Variants in VPS13B observed in about 807,000 individuals in gnomAD.
VPS13B encodes intermembrane lipid transfer protein VPS13B.
Under a neutral mutation model 426.4 loss-of-function variants are expected in VPS13B, and 285 were observed. The observed-to-expected ratio is 0.67, with a 90% CI of 0.61 to 0.74. VPS13B has a LOEUF of 0.74. Among genes scored for constraint, VPS13B ranks in the 30% least tolerant of loss-of-function variants. The pLI is 0.00. For synonymous variants in VPS13B, 1,676 were observed against 1,676.4 expected, an observed-to-expected ratio of 1.00 and a Z score of 0.01; for missense variants, 4,537 against 4,782.6, an observed-to-expected ratio of 0.95 and a Z score of 1.51.
At chr8:99,729,116 A>G (rs971886624) in intron 39 of VPS13B, among the ~76,000 whole-genome samples, 1 of 152,120 alleles carries the variant, frequency 6.6e-6, no homozygotes, top group Non-Finnish European at 1.5e-5. Flanking sequence ...GGCCCAGTCA[A>G]CTTTGGTCAT....
intron 13 of VPS13B, among the ~76,000 whole-genome samples, chr8:99,147,388 A>G (rs890177932): frequency 6.6e-6 from 1 of 152,196 alleles, no homozygotes; most frequent in Non-Finnish European, 1.5e-5. Flanking sequence ...CTGGGATTAC[A>G]GGTGTGAGAC....
Position 99,623,994 on chromosome 8 carries a change from C to CATATAT in VPS13B, c.5221-17808_5221-17803dup, listed in dbSNP as rs770947718. 4.2e-3 allele frequency among the ~76,000 whole-genome samples: 225 copies of CATATAT among 53,920 alleles called. 3 individuals carry two copies. The highest frequency in any genetic ancestry group is 0.014 in the Middle Eastern group (1 of 72). 35.4% of individuals were successfully genotyped at this position (53,920 alleles called of 152,430 possible). ...GTAAAGGCTATGTCTATGAAACATACATATATATATATATTTTTTTTTTTT... is the reference window on the plus strand; with the variant it reads ...GTAAAGGCTATGTCTATGAAACATACATATATATATATATATATATTTTTTTTTTTT... On this transcript the variant is annotated intron_variant, in intron 33 of 61. Coordinates refer to ENST00000357162, the MANE Select transcript of VPS13B (RefSeq NM_152564.5).
intron 43 of VPS13B, among the ~76,000 whole-genome samples, chr8:99,786,242 A>C (rs1812259416): frequency 6.6e-6 from 1 of 152,134 alleles, no homozygotes; most frequent in Admixed American, 6.6e-5. Context: ...CATTTGCACT[A>C]TTTCAAGGCC....
chr8:99,690,922 A>C (rs891900713), intron 35 of VPS13B, among the ~76,000 whole-genome samples: 1 of 152,358 alleles, frequency 6.6e-6, no homozygotes, highest in Non-Finnish European at 1.5e-5. Flanking sequence ...TATTCATAGC[A>C]GCATTATTCA....
In VPS13B at chr8:99,457,494, T is replaced by A. The variant is rs937392235; in HGVS notation, c.3446-9920T>A. ...CTGGTAATTGTGACTTATCCCTTTT[T>A]TCTGGGTTAAGCTAAAGGATTGTCA... is the stretch of plus-strand genomic sequence containing the variant. On this transcript the variant is annotated intron_variant, in intron 23 of 61. Transcript: ENST00000357162. 1.3e-5 allele frequency among the ~76,000 whole-genome samples: 2 copies of A among 152,342 alleles called. 1 individual carries two copies. Among genetic ancestry groups the A allele is most frequent in the South Asian group, 4.1e-4 (2 of 4,832 alleles).
chr8:99,381,660 T>C (rs749773742), intron 19 of VPS13B, among the ~76,000 whole-genome samples: 1 of 152,202 alleles, frequency 6.6e-6, no homozygotes, highest in Non-Finnish European at 1.5e-5. Context: ...TGATCAATGA[T>C]GTTGAGTTTT....
At chr8:99,497,827 T>G (rs941688475) in intron 25 of VPS13B, among the ~76,000 whole-genome samples, 1 of 152,152 alleles carries the variant, frequency 6.6e-6, no homozygotes, top group Non-Finnish European at 1.5e-5. Context: ...TAAAATTTCT[T>G]GTAATTGTTT....
intron 39 of VPS13B, among the ~76,000 whole-genome samples, chr8:99,732,296 T>A (rs1833639671): frequency 6.6e-6 from 1 of 152,202 alleles, no homozygotes; most frequent in South Asian, 2.1e-4. Flanking sequence ...TGCTGTATGC[T>A]ACTCTGCCAT....
At chr8:99,261,518 C>T (rs1818036106) in intron 17 of VPS13B, among the ~76,000 whole-genome samples, 1 of 152,146 alleles carries the variant, frequency 6.6e-6, no homozygotes, top group Non-Finnish European at 1.5e-5. Context: ...AGTAAAGCTG[C>T]TATAAATATC....
chr8:99,254,708 A>T (rs1486003252), intron 17 of VPS13B, among the ~76,000 whole-genome samples: 1 of 151,920 alleles, frequency 6.6e-6, no homozygotes, highest in Non-Finnish European at 1.5e-5. Flanking sequence ...CCGTGGTGTG[A>T]TCTCAACTCA....
chr8:99,077,724 A>G (rs1475454042), intron 3 of VPS13B, among the ~76,000 whole-genome samples: 2 of 151,944 alleles, frequency 1.3e-5, no homozygotes, highest in East Asian at 3.9e-4. Context: ...TTTCTGGTAG[A>G]ATCCGTTTGG....
At chr8:99,777,095 G>T in intron 41 of VPS13B, 139 bp downstream of exon 41, 1 of 1,055,380 alleles carries the variant, frequency 9.5e-7, no homozygotes. Flanking sequence ...AGTTATCCTG[G>T]GGTTGACTTG....
intron 19 of VPS13B, among the ~76,000 whole-genome samples, chr8:99,290,253 C>T (rs1340710794): frequency 2.0e-5 from 3 of 151,986 alleles, no homozygotes; most frequent in African/African-American, 4.8e-5. Flanking sequence ...TTGGAACCAA[C>T]CCAAATGTCC....
intron 3 of VPS13B, among the ~76,000 whole-genome samples, chr8:99,063,582 G>A (rs375091032): frequency 2.6e-5 from 4 of 152,202 alleles, no homozygotes; most frequent in African/African-American, 9.6e-5. Context: ...CTTGAACTGG[G>A]TGGAGCCAAC....
At chr8:99,061,225 A>G (rs958308880) in intron 3 of VPS13B, among the ~76,000 whole-genome samples, 1 of 150,064 alleles carries the variant, frequency 6.7e-6, no homozygotes, top group Non-Finnish European at 1.5e-5. Context: ...TATGCTCTGG[A>G]GGTTCCTTTT....
intron 3 of VPS13B, chr8:99,093,892 A>C (rs1846298695): frequency 6.6e-6 from 1 of 152,220 alleles, no homozygotes; most frequent in South Asian, 2.1e-4. Context: ...AGACTAAACC[A>C]GGAAGAAGTC....
At chr8:99,797,501 G>A (rs1194290720) in intron 43 of VPS13B, among the ~76,000 whole-genome samples, 2 of 152,142 alleles carry the variant, frequency 1.3e-5, no homozygotes, top group East Asian at 3.9e-4. Context: ...TTTGCATAAT[G>A]TTGGATACTT....
chr8:99,640,061 G>GAAGAAGAAGAA (rs1829279203), intron 33 of VPS13B, among the ~76,000 whole-genome samples: 1 of 108,472 alleles, frequency 9.2e-6, no homozygotes, highest in African/African-American at 3.7e-5. Context: ...GAAAAGAAAA[G>GAAGAAGAAGAA]AAAAGAAAAG....
chr8:99,638,517 T>C lies in VPS13B; in HGVS notation c.5221-3294T>C, dbSNP rs140027817. 3.9e-5 allele frequency among the ~76,000 whole-genome samples: 6 copies of C among 152,314 alleles called. No individual in the cohort carries two copies. In the East Asian group the frequency reaches 1.2e-3, roughly 29 times the overall value. ...ATAAAAGCATAGCAGTGGGAAGGACTAGCACCACCTGGAAGGGTTGCTGAA... is the reference window on the plus strand; with the variant it reads ...ATAAAAGCATAGCAGTGGGAAGGACCAGCACCACCTGGAAGGGTTGCTGAA... On this transcript the variant is annotated intron_variant, in intron 33 of 61. Coordinates refer to ENST00000357162, the MANE Select transcript of VPS13B (RefSeq NM_152564.5).
Sources: gnomAD v4.1 joint callset for allele counts (sites outside exome capture counted in the v4.1 genomes callset) on GRCh38, gnomAD v4.1.1 for gene constraint, MANE v1.5 for transcripts, NCBI Gene and HGNC (gene_info 2026-07-23, HGNC 2026-07-21) for gene names.